PTPRS: variants seen among roughly 807,000 people sequenced by gnomAD.
PTPRS encodes protein tyrosine phosphatase receptor type S, also known as receptor-type tyrosine-protein phosphatase S.
PTPRS carries 63 observed loss-of-function variants against 215.3 expected under a neutral mutation model. That is an observed-to-expected ratio of 0.29 (90% CI 0.24 to 0.36). The LOEUF (loss-of-function observed/expected upper bound fraction) is 0.36. PTPRS is among the 10% of genes least tolerant of loss of function. The pLI, the probability that PTPRS is intolerant of heterozygous loss-of-function variation, is 1.00. For synonymous variants in PTPRS, 1,404 were observed against 1,191.4 expected, an observed-to-expected ratio of 1.18 and a Z score of -3.68; for missense variants, 2,258 against 2,825.8, an observed-to-expected ratio of 0.80 and a Z score of 4.56.
intron 4 of PTPRS, among the ~76,000 whole-genome samples, chr19:5,272,384 G>A (rs894896284): frequency 6.6e-6 from 1 of 151,566 alleles, no homozygotes; most frequent in Non-Finnish European, 1.5e-5. Context: ...GATCACTTGA[G>A]GTCAGGAGTT....
In PTPRS at chr19:5,287,273, C is replaced by T. The variant is rs2048423143; in HGVS notation, c.-94-1039G>A. Among the ~76,000 whole-genome samples the T allele has an allele frequency of 6.6e-6, 1 of 152,180 alleles. No homozygotes were observed. Among genetic ancestry groups the T allele is most frequent in the South Asian group, 2.1e-4 (1 of 4,824 alleles). On this transcript the variant is annotated intron_variant, in intron 1 of 37. Coordinates refer to ENST00000262963, the MANE Select transcript of PTPRS (RefSeq NM_002850.4). This position sits in a 1 kb window ranked among gnomAD's most constrained non-coding sequence, Gnocchi z 4.8. ...CTTCTCTGCCCCTCAAAGGTCAATT[C>T]CCCCTACATTCTACATCCCGGAGCA...
chr19:5,250,160 A>C (rs1212580235), intron 9 of PTPRS, among the ~76,000 whole-genome samples: 1 of 152,212 alleles, frequency 6.6e-6, no homozygotes, highest in African/African-American at 2.4e-5. Context: ...TCTGACACCT[A>C]AGAAACTTGC....
At chr19:5,219,198 C>T in intron 23 of PTPRS, 112 bp downstream of exon 23, 5 of 1,423,102 alleles carry the variant, frequency 3.5e-6, no homozygotes, top group Non-Finnish European at 4.8e-6. Flanking sequence ...CTTCGGTTTC[C>T]CCATGTGTAC....
intron 2 of PTPRS, among the ~76,000 whole-genome samples, chr19:5,276,890 G>A (rs2047418156): frequency 6.6e-6 from 1 of 152,090 alleles, no homozygotes; most frequent in Non-Finnish European, 1.5e-5. Flanking sequence ...CTGCACCTGG[G>A]ACAGGCTACA....
chr19:5,243,174 C>T (rs539657496), intron 11 of PTPRS, among the ~76,000 whole-genome samples: 4 of 149,634 alleles, frequency 2.7e-5, no homozygotes, highest in South Asian at 2.1e-4. Context: ...TTTCACTTGT[C>T]GCCCAGGCTG....
In PTPRS at chr19:5,284,317, G is replaced by A. The variant is rs574310262; in HGVS notation, c.91+1733C>T. Among the ~76,000 whole-genome samples, 55 of 151,452 alleles carry A rather than the reference G, an allele frequency of 3.6e-4. No individual in the cohort carries two copies. The East Asian group carries it at 3.9e-3, about 11-fold the overall frequency. On this transcript the variant is annotated intron_variant, in intron 2 of 37. Transcript: ENST00000262963. ...GGAGGTTGCAGTGAGCCGAGACTGC[G>A]CCACCGCACTCCAGCCTGGGCGACA...
At position 5,208,383 on chromosome 19, in the gene PTPRS, C is replaced by G; in HGVS notation, c.5496G>C (p.Gln1832His). 6.3e-7 allele frequency: 1 copy of G among 1,597,394 alleles called. No homozygotes were observed. Among genetic ancestry groups the G allele is most frequent in the Non-Finnish European group, 8.5e-7 (1 of 1,171,258 alleles). ...EFKVTDARDG[Q>H]SRTVRQFQFT... Reference sequence around the variant, plus strand: ...ACTGGAACTGCCGGACAGTCCGGGACTGGCCATCCTAGAGTGCAGAGAGCC... The same window carrying G: ...ACTGGAACTGCCGGACAGTCCGGGAGTGGCCATCCTAGAGTGCAGAGAGCC... Residue 1832 changes from glutamine (Q) to histidine (H), a missense_variant, in exon 36 of 38, where the codon CAG becomes CAC. By Grantham distance (24) the Gln-to-His change is conservative (BLOSUM62 0). This residue lies in a region of PTPRS where 927 missense variants were observed against 1,125.9 expected (regional missense o/e 0.82). Transcript: ENST00000262963.
Position 5,212,475 on chromosome 19 carries a change from T to A in PTPRS, c.4631A>T (p.Lys1544Ile). Residue 1544 changes from lysine to isoleucine, a missense_variant, in exon 31 of 38, where the codon AAA (lysine) becomes ATA (isoleucine). This residue lies in a region of PTPRS where 927 missense variants were observed against 1,125.9 expected (regional missense o/e 0.82). Transcript: ENST00000262963. ...FSLHKNGSSE[K>I]REVRQFQFTA... ...AAACTGGAACTGGCGGACCTCGCGTTTCTCACTGGAGCCATTCTGGGGACC... is the reference window on the plus strand; with the variant it reads ...AAACTGGAACTGGCGGACCTCGCGTATCTCACTGGAGCCATTCTGGGGACC... 1 of 1,592,692 alleles carries A rather than the reference T, an allele frequency of 6.3e-7. No individual in the cohort carries two copies. Among genetic ancestry groups the A allele is most frequent in the Non-Finnish European group, 8.6e-7 (1 of 1,169,448 alleles).
At chr19:5,222,102 C>A in intron 19 of PTPRS, 21 bp downstream of exon 19, 1 of 1,598,288 alleles carries the variant, frequency 6.3e-7, no homozygotes, top group South Asian at 1.1e-5. Flanking sequence ...GCCTGCCTGC[C>A]TGCTGGCTGG....
chr19:5,246,512 A>G (rs2044494349), intron 9 of PTPRS, among the ~76,000 whole-genome samples: 2 of 152,140 alleles, frequency 1.3e-5, no homozygotes, highest in African/African-American at 2.4e-5. Flanking sequence ...GCCTCCGATC[A>G]CTCCCGAATG....
chr19:5,211,988 T>A lies in PTPRS; in HGVS notation c.5032A>T (p.Thr1678Ser). The change falls in exon 32 of 38, where the codon ACT (threonine) becomes TCT (serine). Residue 1678 changes from threonine (T) to serine (S), a missense_variant. By Grantham distance (58) the Thr-to-Ser change is moderately conservative (BLOSUM62 1). Coordinates refer to ENST00000262963, the MANE Select transcript of PTPRS (RefSeq NM_002850.4). ...ACCTTGAACTCGAGTTCCATGCCAG[T>A]GACGTGTTCGCCAGGCTCCACCTGG... ...LAQVEPGEHV[T>S]GMELEFKRLA... 1 of 1,610,114 alleles carries A rather than the reference T, an allele frequency of 6.2e-7. No homozygotes were observed. Among genetic ancestry groups the A allele is most frequent in the Non-Finnish European group, 8.5e-7 (1 of 1,178,698 alleles).
rs148510043 is a variant in PTPRS, at chr19:5,211,428, C to T, written c.5234+162G>A. ...AGTTAAACACACACCCAAAGATTCACGGACAGCAGCCATCAGTTAAATATA... is the reference window on the plus strand; with the variant it reads ...AGTTAAACACACACCCAAAGATTCATGGACAGCAGCCATCAGTTAAATATA... On this transcript the variant is annotated intron_variant, in intron 33 of 37. Coordinates refer to ENST00000262963, the MANE Select transcript of PTPRS (RefSeq NM_002850.4). Among the ~76,000 whole-genome samples the T allele has an allele frequency of 4.0e-4, 61 of 152,272 alleles. No homozygotes were observed. The East Asian group carries it at 7.9e-3, about 20-fold the overall frequency.
intron 1 of PTPRS, among the ~76,000 whole-genome samples, chr19:5,290,254 T>G (rs2048699915): frequency 1.3e-5 from 2 of 152,150 alleles, no homozygotes; most frequent in Admixed American, 1.3e-4. Context: ...AAACTGAGGC[T>G]CACAGAAAAA....
At position 5,214,600 on chromosome 19, in the gene PTPRS, C is replaced by T. The variant is rs773001483; in HGVS notation, c.4455G>A (p.Ala1485=). ...FWRMVWEQRS[A]TIVMMTRLEE... ...CCAGCCGCGTCATCATGACGATGGT[C>T]GCCGACCGCTGCTCCCACACCATAC... is the stretch of plus-strand genomic sequence containing the variant. The change falls in exon 29 of 38, where the codon GCG becomes GCA. Residue 1485 remains alanine, a synonymous_variant. Coordinates refer to ENST00000262963, the MANE Select transcript of PTPRS (RefSeq NM_002850.4). 2.6e-5 allele frequency: 42 copies of T among 1,612,378 alleles called. No individual in the cohort carries two copies. The highest frequency in any genetic ancestry group is 3.3e-4 in the Middle Eastern group (2 of 6,082).
intron 23 of PTPRS, 41 bp from the exon 24 acceptor site, chr19:5,218,839 A>G: frequency 1.3e-6 from 2 of 1,570,700 alleles, no homozygotes; most frequent in Non-Finnish European, 1.7e-6. Flanking sequence ...GGGGAAAAAA[A>G]GAAGAAAGGT....
At chr19:5,328,220 G>T (rs966766419) in intron 1 of PTPRS, among the ~76,000 whole-genome samples, 5 of 151,868 alleles carry the variant, frequency 3.3e-5, no homozygotes, top group East Asian at 1.9e-4. Flanking sequence ...GGGTTCAAGC[G>T]ATTCTCCTGA....
Position 5,223,104 on chromosome 19 carries a change from G to A in PTPRS, c.2688C>T (p.His896=), listed in dbSNP as rs539486011. The A allele has an allele frequency of 7.3e-5, 114 of 1,566,166 alleles. 1 individual carries two copies. In the East Asian group the frequency reaches 1.4e-3, roughly 19 times the overall value. The change falls in exon 18 of 38, where the codon CAC becomes CAT. Residue 896 remains histidine, a synonymous_variant. Transcript: ENST00000262963. Reference sequence around the variant, plus strand: ...GCCGGAACACATACGTGGCCCCCTTGTGCACGCCTGATGCCGTGTAGCGGT... The same window carrying A: ...GCCGGAACACATACGTGGCCCCCTTATGCACGCCTGATGCCGTGTAGCGGT... The part of the protein sequence containing the change: ...SEDRYTASGV[H]KGATYVFRLA...
intron 1 of PTPRS, among the ~76,000 whole-genome samples, chr19:5,335,545 AAG>A (rs1217341777): frequency 1.3e-5 from 2 of 152,138 alleles, no homozygotes; most frequent in Non-Finnish European, 2.9e-5. Context: ...CTGGGAGAAA[AAG>A]GGGAATTTTC....
rs2049001958 is a variant in PTPRS at position 5,293,329 on chromosome 19, G to A, written c.-94-7095C>T. On this transcript the variant is annotated intron_variant, in intron 1 of 37. Coordinates refer to ENST00000262963, the MANE Select transcript of PTPRS (RefSeq NM_002850.4). This position sits in a 1 kb window ranked among gnomAD's most constrained non-coding sequence, Gnocchi z 8.4. ...TGTAGGGGGCGGGGTTGCAGTGGGC[G>A]GGGCTGCAGGGGACGGGCCCCGAGG... 1 of 151,230 alleles carries A rather than the reference G, an allele frequency of 6.6e-6. No individual in the cohort carries two copies. The highest frequency in any genetic ancestry group is 1.5e-5 in the Non-Finnish European group (1 of 67,606). The allele number at this position is 151,230 out of a possible 1,614,324, so 9.4% of individuals were successfully genotyped here.
Sources: allele counts gnomAD v4.1 joint callset (sites outside exome capture counted in the v4.1 genomes callset), GRCh38; gene constraint gnomAD v4.1.1; regional missense constraint gnomAD v4.1.1; non-coding constraint Gnocchi (gnomAD v3.1); transcripts MANE v1.5; gene names NCBI Gene and HGNC (gene_info 2026-07-23, HGNC 2026-07-21).